Variants in STXBP5L observed in about 807,000 individuals in gnomAD.
STXBP5L encodes syntaxin binding protein 5L.
STXBP5L carries 65 observed loss-of-function variants against 144.5 expected under a neutral mutation model. The ratio of observed to expected loss-of-function variants is 0.45; its 90% CI spans 0.37 to 0.55. The LOEUF (loss-of-function observed/expected upper bound fraction) is 0.55, where lower values mean the gene tolerates loss of function less well. Ranked by LOEUF, STXBP5L falls within the 20% of genes least tolerant of loss-of-function variation. The probability of loss-of-function intolerance (pLI) is 0.00; values close to 1 mark genes in which losing one functional copy is unlikely to be tolerated. For missense variants in STXBP5L, 1,298 were observed against 1,405.5 expected (o/e 0.92, Z 1.22); for synonymous variants, 505 against 469.6 (o/e 1.08, Z -0.97).
chr3:121,112,570 G>A (rs1576990302), intron 5 of STXBP5L, among the ~76,000 whole-genome samples: 1 of 151,924 alleles, frequency 6.6e-6, no homozygotes, highest in Non-Finnish European at 1.5e-5. Context: ...ATTCTTCTCG[G>A]TGGGAGCCTT....
chr3:121,373,095 C>A (rs2046079820), intron 20 of STXBP5L, among the ~76,000 whole-genome samples: 1 of 152,040 alleles, frequency 6.6e-6, no homozygotes, highest in South Asian at 2.1e-4. Context: ...AAGTAGGTAA[C>A]AATGTATCAG....
At chr3:121,120,617 CA>C (rs1159934147) in intron 6 of STXBP5L, among the ~76,000 whole-genome samples, 2 of 151,180 alleles carry the variant, frequency 1.3e-5, no homozygotes, top group Non-Finnish European at 3.0e-5. Flanking sequence ...CAAAATTCAT[CA>C]ATATCCAATG....
At chr3:121,117,978 G>C (rs1483771440) in intron 6 of STXBP5L, among the ~76,000 whole-genome samples, 1 of 151,626 alleles carries the variant, frequency 6.6e-6, no homozygotes, top group Non-Finnish European at 1.5e-5. Context: ...CTGTAGGGCA[G>C]CCCTAACATT....
chr3:121,249,193 G>T (rs1474970755), intron 14 of STXBP5L, among the ~76,000 whole-genome samples: 1 of 151,908 alleles, frequency 6.6e-6, no homozygotes, highest in Non-Finnish European at 1.5e-5. Flanking sequence ...TAGTTTGATA[G>T]GAATAGTGAT....
At chr3:121,065,846 T>A (rs1337211925) in intron 5 of STXBP5L, among the ~76,000 whole-genome samples, 1 of 152,220 alleles carries the variant, frequency 6.6e-6, no homozygotes, top group African/African-American at 2.4e-5. Context: ...TCAAGCTCAT[T>A]TTGTTGTTGG....
At chr3:121,347,504 G>A (rs1015925139) in intron 20 of STXBP5L, among the ~76,000 whole-genome samples, 2 of 152,138 alleles carry the variant, frequency 1.3e-5, no homozygotes, top group African/African-American at 4.8e-5. Context: ...AAAGTCATTT[G>A]GTAACTTGAT....
intron 22 of STXBP5L, among the ~76,000 whole-genome samples, chr3:121,385,390 C>T (rs1261273712): frequency 1.3e-5 from 2 of 152,116 alleles, no homozygotes; most frequent in Non-Finnish European, 2.9e-5. Context: ...CTTATGTGAA[C>T]TAGCACAGAG....
rs150267159 is a variant in STXBP5L at position 121,381,677 on chromosome 3, A to G, written c.2587+145A>G. 2.9e-6 allele frequency: 3 copies of G among 1,026,756 alleles called. No individual in the cohort carries two copies. In the African/African-American group the frequency reaches 5.1e-5, roughly 17 times the overall value. 63.6% of individuals were successfully genotyped at this position (1,026,756 alleles called of 1,614,324 possible). The stretch of plus-strand genomic sequence containing the variant: ...AACTATTAAGAATTTTATACATCAT[A>G]TACCATCCCAACATCTGTCATGTTG... On this transcript the variant is annotated intron_variant, in intron 22 of 26. Coordinates refer to ENST00000471454, the MANE Select transcript of STXBP5L (RefSeq NM_001308330.2).
intron 18 of STXBP5L, among the ~76,000 whole-genome samples, chr3:121,260,802 G>A (rs1412441186): frequency 6.6e-6 from 1 of 152,018 alleles, no homozygotes; most frequent in African/African-American, 2.4e-5. Flanking sequence ...GGAGTCCATG[G>A]AAAAAAGTCT....
chr3:121,373,449 G>T (rs1053870714), intron 20 of STXBP5L, among the ~76,000 whole-genome samples: 3 of 152,190 alleles, frequency 2.0e-5, no homozygotes, highest in African/African-American at 7.2e-5. Flanking sequence ...ACAATATGAT[G>T]CCATTTTGAG....
chr3:121,333,839 C>A (rs2044410630), intron 20 of STXBP5L, among the ~76,000 whole-genome samples: 1 of 152,130 alleles, frequency 6.6e-6, no homozygotes, highest in South Asian at 2.1e-4. Flanking sequence ...AATTGATTCA[C>A]TCAACAGACC....
At chr3:120,991,365 A>C (rs1438671497) in intron 3 of STXBP5L, among the ~76,000 whole-genome samples, 3 of 151,616 alleles carry the variant, frequency 2.0e-5, no homozygotes, top group Non-Finnish European at 4.4e-5. Context: ...AAATAGGAAC[A>C]CTTTTACAGT....
intron 10 of STXBP5L, among the ~76,000 whole-genome samples, chr3:121,207,663 G>C (rs1180840437): frequency 6.6e-6 from 1 of 152,136 alleles, no homozygotes; most frequent in African/African-American, 2.4e-5. Flanking sequence ...CCATCAAAAA[G>C]TGGGTGAAGG....
intron 5 of STXBP5L, among the ~76,000 whole-genome samples, chr3:121,062,220 G>T (rs1391153583): frequency 6.6e-6 from 1 of 152,180 alleles, no homozygotes. Context: ...TTGCTTGTCT[G>T]TAAAGGATTT....
chr3:120,974,391 T>C (rs1279879922), intron 3 of STXBP5L, among the ~76,000 whole-genome samples: 1 of 151,378 alleles, frequency 6.6e-6, no homozygotes, highest in African/African-American at 2.4e-5. Context: ...ATGGGGTTGT[T>C]TGTTTTTTTC....
chr3:121,310,196 A>G (rs1271103619), intron 19 of STXBP5L, among the ~76,000 whole-genome samples: 1 of 152,256 alleles, frequency 6.6e-6, no homozygotes, highest in East Asian at 1.9e-4. Flanking sequence ...AACAAAGAAT[A>G]ATATCTTCAT....
At chr3:121,063,134 T>C (rs1333154430) in intron 5 of STXBP5L, among the ~76,000 whole-genome samples, 1 of 152,188 alleles carries the variant, frequency 6.6e-6, no homozygotes, top group Admixed American at 6.5e-5. Flanking sequence ...CTTCTCCCCA[T>C]CTTTGTGGAT....
chr3:121,179,928 A>G (rs1352826224), intron 9 of STXBP5L, among the ~76,000 whole-genome samples: 2 of 152,188 alleles, frequency 1.3e-5, no homozygotes, highest in African/African-American at 4.8e-5. Flanking sequence ...TCTCCAAGAA[A>G]TATAGGATCA....
At chr3:121,022,424 C>T (rs1945625204) in intron 3 of STXBP5L, among the ~76,000 whole-genome samples, 1 of 151,808 alleles carries the variant, frequency 6.6e-6, no homozygotes, top group Non-Finnish European at 1.5e-5. Flanking sequence ...TAAATCAAAT[C>T]CTAATATCAA....
Sources: allele counts gnomAD v4.1 joint callset (sites outside exome capture counted in the v4.1 genomes callset), GRCh38; gene constraint gnomAD v4.1.1; transcripts MANE v1.5; gene names NCBI Gene and HGNC (gene_info 2026-07-23, HGNC 2026-07-21).